Variants in STPG2 observed in about 807,000 individuals in gnomAD.
STPG2 encodes the protein sperm tail PG-rich repeat containing 2.
STPG2 carries 56 observed loss-of-function variants against 54.2 expected under a neutral mutation model. The observed-to-expected ratio is 1.03, with a 90% CI of 0.83 to 1.29. The LOEUF is 1.29. Among genes scored for constraint, STPG2 ranks in the 50% most tolerant of loss-of-function variants. The pLI is 0.00. For synonymous variants in STPG2, 200 were observed against 181.8 expected, an observed-to-expected ratio of 1.10 and a Z score of -0.81; for missense variants, 596 against 544.9, an observed-to-expected ratio of 1.09 and a Z score of -0.93.
intron 8 of STPG2, among the ~76,000 whole-genome samples, chr4:97,892,805 G>T (rs148164702): frequency 3.3e-4 from 50 of 152,176 alleles, no homozygotes; most frequent in Non-Finnish European, 5.9e-4. Context: ...ATCCCCCTAA[G>T]GCACTAGCAG....
chr4:97,485,284 G>A (rs1472270404), intron 4 of STPG2, among the ~76,000 whole-genome samples: 5 of 151,666 alleles, frequency 3.3e-5, no homozygotes, highest in African/African-American at 7.3e-5. Context: ...GTTTGCTGAC[G>A]ATATGATTGT....
intron 5 of STPG2, among the ~76,000 whole-genome samples, chr4:97,995,657 A>G (rs1173568874): frequency 6.6e-6 from 1 of 152,152 alleles, no homozygotes; most frequent in Admixed American, 6.5e-5. Flanking sequence ...ACAGATAGAG[A>G]ATACAGATGT....
rs113983905 is a variant in STPG2 at position 97,551,675 on chromosome 4, C to G, written c.462+161024G>C. ...CTAGTCTCCGCTTTCTAATTGATAA[C>G]TATATGACTGTAGTTATTATTTTGC... On this transcript the variant is annotated intron_variant, in intron 4 of 4. Transcript: ENST00000522676. Among the ~76,000 whole-genome samples the G allele has an allele frequency of 5.5e-3, 837 of 152,314 alleles. 7 individuals carry two copies. Among genetic ancestry groups the G allele is most frequent in the Middle Eastern group, 0.02 (6 of 294 alleles).
At chr4:98,100,644 C>CAT (rs1315428707) in intron 5 of STPG2, among the ~76,000 whole-genome samples, 1 of 147,652 alleles carries the variant, frequency 6.8e-6, no homozygotes, top group African/African-American at 2.5e-5. Flanking sequence ...CTTCCCAAGT[C>CAT]ATATCTTCTT....
At chr4:97,805,983 A>T (rs535365160) in intron 9 of STPG2, among the ~76,000 whole-genome samples, 1 of 152,314 alleles carries the variant, frequency 6.6e-6, no homozygotes, top group South Asian at 2.1e-4. Context: ...ACCGTTTGAC[A>T]CAGGAATACC....
At chr4:98,112,978 T>C (rs1044218555) in intron 3 of STPG2, among the ~76,000 whole-genome samples, 1 of 150,938 alleles carries the variant, frequency 6.6e-6, no homozygotes, top group South Asian at 2.1e-4. Context: ...TCAATGACTT[T>C]ATGCCTCATA....
At chr4:98,025,705 C>T in intron 5 of STPG2, 2 of 1,363,702 alleles carry the variant, frequency 1.5e-6, no homozygotes, top group Non-Finnish European at 2.1e-6. Context: ...TGCTGGCCTG[C>T]AGGCTACTCA....
intron 4 of STPG2, among the ~76,000 whole-genome samples, chr4:97,541,675 C>G (rs1731709866): frequency 1.3e-5 from 2 of 152,096 alleles, no homozygotes; most frequent in African/African-American, 2.4e-5. Context: ...CAACCCTAAG[C>G]CAAAAGAACA....
At chr4:97,852,710 A>T (rs890736488) in intron 8 of STPG2, among the ~76,000 whole-genome samples, 1 of 152,188 alleles carries the variant, frequency 6.6e-6, no homozygotes, top group Non-Finnish European at 1.5e-5. Flanking sequence ...AACAGGGAGA[A>T]ATACACTATG....
intron 4 of STPG2, among the ~76,000 whole-genome samples, chr4:97,524,813 A>C (rs549765312): frequency 1.1e-4 from 16 of 152,136 alleles, no homozygotes; most frequent in Admixed American, 6.6e-4. Context: ...TATTCTGAGA[A>C]TGATTCTTCA....
chr4:97,692,735 A>G (rs1411270173), intron 10 of STPG2, among the ~76,000 whole-genome samples: 1 of 152,210 alleles, frequency 6.6e-6, no homozygotes, highest in East Asian at 1.9e-4. Flanking sequence ...TTGCCTAGGC[A>G]CATAGTTCAT....
chr4:97,581,329 A>G (rs1180136299), intron 10 of STPG2, among the ~76,000 whole-genome samples: 1 of 152,096 alleles, frequency 6.6e-6, no homozygotes, highest in Non-Finnish European at 1.5e-5. Flanking sequence ...CCAAGATTCA[A>G]ACCCAGGCAT....
chr4:97,985,164 TA>T (rs1275297481), intron 5 of STPG2, among the ~76,000 whole-genome samples: 2 of 152,212 alleles, frequency 1.3e-5, no homozygotes, highest in Non-Finnish European at 2.9e-5. Context: ...TTTATTATCC[TA>T]AATACTATCT....
chr4:97,919,446 A>T (rs1377912494), intron 8 of STPG2, among the ~76,000 whole-genome samples: 3 of 128,000 alleles, frequency 2.3e-5, no homozygotes, highest in African/African-American at 8.6e-5. Flanking sequence ...TTACAGAAAA[A>T]TTAAAAAAAA....
intron 8 of STPG2, among the ~76,000 whole-genome samples, chr4:97,887,379 A>T (rs146693418): frequency 6.6e-6 from 1 of 152,134 alleles, no homozygotes; most frequent in Non-Finnish European, 1.5e-5. Context: ...GGAGATGAGG[A>T]ACTTATTGGG....
At chr4:97,926,509 C>A (rs909982523) in intron 8 of STPG2, among the ~76,000 whole-genome samples, 5 of 152,122 alleles carry the variant, frequency 3.3e-5, no homozygotes, top group Non-Finnish European at 7.4e-5. Context: ...TCCACCTATC[C>A]TGCTGGTCCC....
At chr4:98,044,662 C>T (rs572252182) in intron 5 of STPG2, among the ~76,000 whole-genome samples, 41 of 152,228 alleles carry the variant, frequency 2.7e-4, no homozygotes, top group African/African-American at 9.1e-4. Context: ...GATGATGATG[C>T]ATTTTAGCTT....
intron 8 of STPG2, among the ~76,000 whole-genome samples, chr4:97,865,345 C>T (rs1002761695): frequency 2.6e-5 from 4 of 152,112 alleles, no homozygotes; most frequent in African/African-American, 4.8e-5. Context: ...TGAAAAAATG[C>T]TCATCATCAC....
chr4:97,794,917 C>T (rs1288214133), intron 9 of STPG2, among the ~76,000 whole-genome samples: 1 of 152,074 alleles, frequency 6.6e-6, no homozygotes, highest in Non-Finnish European at 1.5e-5. Flanking sequence ...AAATTAGAAA[C>T]CAGGTTTTGT....
Sources: gnomAD v4.1 joint callset for allele counts (sites outside exome capture counted in the v4.1 genomes callset) on GRCh38, gnomAD v4.1.1 for gene constraint, MANE v1.5 for transcripts, NCBI Gene and HGNC (gene_info 2026-07-23, HGNC 2026-07-21) for gene names.